CDH13: variants seen among roughly 807,000 people sequenced by gnomAD.
The protein encoded by CDH13 is cadherin-13.
CDH13 carries 24 observed loss-of-function variants against 63.8 expected under a neutral mutation model. The observed-to-expected ratio is 0.38, with a 90% CI of 0.27 to 0.53. The LOEUF is 0.53. CDH13 is among the 20% of genes least tolerant of loss of function. The probability of loss-of-function intolerance (pLI) is 0.85; values close to 1 mark genes in which losing one functional copy is unlikely to be tolerated. For missense variants in CDH13, 1,049 were observed against 903.1 expected (o/e 1.16, Z -2.07); for synonymous variants, 503 against 355.3 (o/e 1.42, Z -4.67).
intron 2 of CDH13, among the ~76,000 whole-genome samples, chr16:82,928,816 T>C (rs1243824243): frequency 6.6e-6 from 1 of 152,230 alleles, no homozygotes; most frequent in Non-Finnish European, 1.5e-5. Flanking sequence ...GGTTGGAGAT[T>C]GGGGTGACCA....
intron 13 of CDH13, among the ~76,000 whole-genome samples, chr16:83,788,119 C>T (rs772207385): frequency 5.3e-5 from 8 of 152,168 alleles, no homozygotes; most frequent in Non-Finnish European, 1.0e-4. Context: ...AGAAAGTAGA[C>T]AATTAAGGGG....
chr16:83,166,046 T>A (rs1354239478), intron 4 of CDH13, among the ~76,000 whole-genome samples: 2 of 152,118 alleles, frequency 1.3e-5, no homozygotes, highest in Non-Finnish European at 2.9e-5. Flanking sequence ...TGTGGAAAGA[T>A]AGAACCTTCC....
chr16:83,470,040 A>G (rs764819137), intron 6 of CDH13, among the ~76,000 whole-genome samples: 2 of 152,144 alleles, frequency 1.3e-5, no homozygotes, highest in Non-Finnish European at 2.9e-5. Context: ...ACAGGCAACT[A>G]TTACAGTACA....
chr16:83,319,316 G>A (rs892761568), intron 5 of CDH13, among the ~76,000 whole-genome samples: 8 of 152,134 alleles, frequency 5.3e-5, no homozygotes, highest in African/African-American at 1.4e-4. Flanking sequence ...TTCCGAAGGC[G>A]TTTATTCCTC....
chr16:82,695,673 C>G (rs952024928), intron 1 of CDH13, among the ~76,000 whole-genome samples: 1 of 152,200 alleles, frequency 6.6e-6, no homozygotes. Flanking sequence ...GTCAAAGCCC[C>G]TATCTGAATT....
intron 6 of CDH13, among the ~76,000 whole-genome samples, chr16:83,391,296 C>T (rs1349354383): frequency 1.3e-5 from 2 of 151,922 alleles, no homozygotes; most frequent in South Asian, 2.1e-4. Context: ...ACCTCTGCCT[C>T]CCGGGTTCAA....
intron 5 of CDH13, among the ~76,000 whole-genome samples, chr16:83,267,088 C>G (rs1907713589): frequency 6.6e-6 from 1 of 152,168 alleles, no homozygotes; most frequent in Non-Finnish European, 1.5e-5. Flanking sequence ...TAGGGAGGAG[C>G]TGGTGAAATC....
intron 1 of CDH13, among the ~76,000 whole-genome samples, chr16:82,675,078 G>C (rs1913741583): frequency 6.6e-6 from 1 of 151,420 alleles, no homozygotes. Context: ...TTTTGGCATA[G>C]TTAGGGAATG....
intron 7 of CDH13, among the ~76,000 whole-genome samples, chr16:83,508,119 A>AAGGAAGGAAGGAAAAGGAAGGGAGGG (rs1567722339): frequency 1.3e-5 from 1 of 75,492 alleles, no homozygotes; most frequent in African/African-American, 5.0e-5. Context: ...AAAAGGAAGG[A>AAGGAAGGAAGGAAAAGGAAGGGAGGG]AGGGAGGAAG....
intron 8 of CDH13, among the ~76,000 whole-genome samples, chr16:83,648,347 G>GTTTC (rs1295677692): frequency 2.6e-4 from 40 of 152,174 alleles, no homozygotes; most frequent in Non-Finnish European, 5.6e-4. Context: ...GGGTCACTTT[G>GTTTC]ATTCAACGCA....
chr16:83,410,361 A>G (rs1411484410), intron 6 of CDH13, among the ~76,000 whole-genome samples: 1 of 152,214 alleles, frequency 6.6e-6, no homozygotes, highest in Non-Finnish European at 1.5e-5. Context: ...TCTCTTATAC[A>G]GCAATTTCCT....
intron 10 of CDH13, among the ~76,000 whole-genome samples, chr16:83,707,724 T>G (rs1398515416): frequency 2.0e-5 from 3 of 150,370 alleles, no homozygotes; most frequent in Non-Finnish European, 4.4e-5. Flanking sequence ...CAATAAAAAG[T>G]CATTGAGTGA....
At chr16:82,918,506 C>A (rs1030803286) in intron 2 of CDH13, among the ~76,000 whole-genome samples, 1 of 119,726 alleles carries the variant, frequency 8.4e-6, no homozygotes, top group Non-Finnish European at 1.8e-5. Flanking sequence ...TACACTTTCA[C>A]TTTTTTTTTT....
At chr16:83,379,386 G>C (rs2091515569) in intron 6 of CDH13, among the ~76,000 whole-genome samples, 1 of 152,182 alleles carries the variant, frequency 6.6e-6, no homozygotes, top group African/African-American at 2.4e-5. Flanking sequence ...TGGATGGATG[G>C]ATGGGTGGAG....
intron 8 of CDH13, among the ~76,000 whole-genome samples, chr16:83,648,185 G>T (rs1361850165): frequency 6.6e-6 from 1 of 152,062 alleles, no homozygotes; most frequent in Non-Finnish European, 1.5e-5. Flanking sequence ...AAACACGGAT[G>T]TTTCATCATC....
At position 83,431,240 on chromosome 16, in the gene CDH13, C is replaced by T. The variant is rs375176303; in HGVS notation, c.782-55237C>T. ...CATTGTTGGACATTTGGGTTGGTTCCGAGTCTTTGCTATTGTGAATAATGC... is the reference window on the plus strand; with the variant it reads ...CATTGTTGGACATTTGGGTTGGTTCTGAGTCTTTGCTATTGTGAATAATGC... On this transcript the variant is annotated intron_variant, in intron 6 of 13. Coordinates refer to ENST00000567109, the MANE Select transcript of CDH13 (RefSeq NM_001257.5). Among the ~76,000 whole-genome samples the T allele has an allele frequency of 8.6e-5, 13 of 151,726 alleles. No individual in the cohort carries two copies. The South Asian group carries it at 2.1e-3, about 24-fold the overall frequency.
chr16:82,744,049 T>A (rs1228978405), intron 1 of CDH13, among the ~76,000 whole-genome samples: 1 of 152,246 alleles, frequency 6.6e-6, no homozygotes, highest in Non-Finnish European at 1.5e-5. Context: ...TTTCTCCAGC[T>A]ATTTCTTAAT....
intron 1 of CDH13, among the ~76,000 whole-genome samples, chr16:82,837,962 T>G (rs1184583748): frequency 6.6e-6 from 1 of 152,190 alleles, no homozygotes; most frequent in Non-Finnish European, 1.5e-5. Flanking sequence ...GCAATCTGCT[T>G]CGTAACTCTT....
chr16:82,895,317 T>G (rs2041214553), intron 2 of CDH13, among the ~76,000 whole-genome samples: 2 of 152,194 alleles, frequency 1.3e-5, no homozygotes, highest in African/African-American at 4.8e-5. Flanking sequence ...AATTGTGTCC[T>G]TCCCTGGCTT....
Sources: gnomAD v4.1 joint callset for allele counts (sites outside exome capture counted in the v4.1 genomes callset) on GRCh38, gnomAD v4.1.1 for gene constraint, MANE v1.5 for transcripts, NCBI Gene and HGNC (gene_info 2026-07-23, HGNC 2026-07-21) for gene names.